The following BABAM2 variants were observed in gnomAD, a reference collection of about 807,000 sequenced individuals.
The protein encoded by BABAM2 is BRISC and BRCA1 A complex member 2.
BABAM2 carries 31 observed loss-of-function variants against 54.7 expected under a neutral mutation model. The ratio of observed to expected loss-of-function variants is 0.57; its 90% CI spans 0.43 to 0.77. The LOEUF is 0.77. Among genes scored for constraint, BABAM2 ranks in the 30% least tolerant of loss-of-function variants. The probability of loss-of-function intolerance (pLI) is 0.00; values close to 1 mark genes in which losing one functional copy is unlikely to be tolerated. For synonymous variants in BABAM2, 167 were observed against 162.9 expected (o/e 1.03, Z -0.19); for missense variants, 364 against 455.8 (o/e 0.80, Z 1.83).
chr2:28,005,662 A>T (rs578132438), intron 4 of BABAM2, among the ~76,000 whole-genome samples: 1 of 152,278 alleles, frequency 6.6e-6, no homozygotes, highest in East Asian at 1.9e-4. Flanking sequence ...TAGAAATCCA[A>T]TTATAATTCT....
chr2:28,011,951 C>T (rs1674433497), intron 4 of BABAM2, among the ~76,000 whole-genome samples: 1 of 152,098 alleles, frequency 6.6e-6, no homozygotes, highest in South Asian at 2.1e-4. Flanking sequence ...ATAATTTGCT[C>T]CAAGTTTAAA....
chr2:28,002,498 G>GT (rs1226869205), intron 4 of BABAM2, among the ~76,000 whole-genome samples: 8 of 151,734 alleles, frequency 5.3e-5, no homozygotes, highest in East Asian at 3.9e-4. Context: ...TTGCAATAAA[G>GT]TTTTTTTTAA....
At chr2:28,159,691 C>A (rs1057434807) in intron 7 of BABAM2, among the ~76,000 whole-genome samples, 5 of 152,026 alleles carry the variant, frequency 3.3e-5, no homozygotes, top group African/African-American at 2.4e-5. Context: ...ACCAGCCTGG[C>A]CAACATGGCA....
rs114683706 is a variant in BABAM2, at chr2:28,336,618, A to T, written c.1089-1832A>T. ...ACCACATGTCACAGAAGTCACAGGG[A>T]AAGAGAGCTTCCAGAGAGAGGAGCT... On this transcript the variant is annotated intron_variant, in intron 11 of 11. Coordinates refer to ENST00000379624, the MANE Select transcript of BABAM2 (RefSeq NM_199191.3). Among the ~76,000 whole-genome samples the T allele has an allele frequency of 3.6e-3, 555 of 152,294 alleles. 2 individuals carry two copies. The highest frequency in any genetic ancestry group is 0.013 in the African/African-American group (520 of 41,562).
intron 6 of BABAM2, among the ~76,000 whole-genome samples, chr2:28,098,087 A>G (rs1666775659): frequency 6.6e-6 from 1 of 152,336 alleles, no homozygotes; most frequent in East Asian, 1.9e-4. Context: ...TTTTAGTACC[A>G]ATATCAAGTT....
chr2:28,257,306 A>G (rs957029500), intron 10 of BABAM2, among the ~76,000 whole-genome samples: 10 of 151,906 alleles, frequency 6.6e-5, no homozygotes, highest in African/African-American at 2.4e-4. Flanking sequence ...GACAAACAAC[A>G]TTTTCTATTA....
chr2:28,147,376 A>G (rs1671588854), intron 7 of BABAM2, among the ~76,000 whole-genome samples: 1 of 152,194 alleles, frequency 6.6e-6, no homozygotes, highest in African/African-American at 2.4e-5. Flanking sequence ...TAAAAACATT[A>G]TTTAGATTTT....
At chr2:28,131,002 A>G (rs990806253) in intron 7 of BABAM2, among the ~76,000 whole-genome samples, 23 of 151,712 alleles carry the variant, frequency 1.5e-4, no homozygotes, top group African/African-American at 4.8e-4. Context: ...CGGCCTCCCA[A>G]AGTGCTAGGA....
chr2:28,297,079 CTAA>C (rs2148238503), intron 10 of BABAM2, among the ~76,000 whole-genome samples: 1 of 152,240 alleles, frequency 6.6e-6, no homozygotes, highest in South Asian at 2.1e-4. Context: ...CTTTAGCTTC[CTAA>C]ATTGTGACAT....
chr2:27,908,923 T>G (rs927306234), intron 2 of BABAM2, among the ~76,000 whole-genome samples: 2 of 152,190 alleles, frequency 1.3e-5, no homozygotes, highest in African/African-American at 4.8e-5. Flanking sequence ...TCTGTTTTTC[T>G]TTGTTTTTGT....
At chr2:27,983,949 T>TTTTTTTTTTTTTTTTTTTTTTTTTTTTC in intron 3 of BABAM2, among the ~76,000 whole-genome samples, 1 of 138,036 alleles carries the variant, frequency 7.2e-6, no homozygotes, top group African/African-American at 2.7e-5. Flanking sequence ...TACCTTTTTT[T>TTTTTTTTTTTTTTTTTTTTTTTTTTTTC]TTTTTTTTTT....
At chr2:28,158,733 T>C (rs192298720) in intron 7 of BABAM2, among the ~76,000 whole-genome samples, 33 of 152,394 alleles carry the variant, frequency 2.2e-4, no homozygotes, top group African/African-American at 6.2e-4. Context: ...ATCTTACTTA[T>C]CTAATGCAGC....
rs111712861 is a variant in BABAM2, at chr2:28,127,135, T to G, written c.571-2136T>G. On this transcript the variant is annotated intron_variant, in intron 6 of 11. Transcript: ENST00000379624. ...GTTTCTTTTGCTGTGCAGAAGCTCTTTAGTTTAATTAGATCCCATTTGTCA... is the reference window on the plus strand; with the variant it reads ...GTTTCTTTTGCTGTGCAGAAGCTCTGTAGTTTAATTAGATCCCATTTGTCA... Among the ~76,000 whole-genome samples, 722 of 152,284 alleles carry G rather than the reference T, an allele frequency of 4.7e-3. 8 individuals are homozygous for G. The highest frequency in any genetic ancestry group is 0.016 in the African/African-American group (685 of 41,562).
intron 7 of BABAM2, among the ~76,000 whole-genome samples, chr2:28,218,059 A>T (rs577230935): frequency 3.9e-5 from 6 of 152,330 alleles, no homozygotes; most frequent in Admixed American, 3.3e-4. Flanking sequence ...TTTTACACAG[A>T]TTCCCTAATT....
Position 27,929,885 on chromosome 2 carries a change from C to T in BABAM2, c.182C>T (p.Pro61Leu), listed in dbSNP as rs776609459. The T allele has an allele frequency of 1.2e-6, 2 of 1,613,044 alleles. No homozygotes were observed. The highest frequency in any genetic ancestry group is 1.7e-6 in the Non-Finnish European group (2 of 1,179,072). The change falls in exon 3 of 12, where the codon CCA (proline) becomes CTA (leucine). Residue 61 changes from proline to leucine, a missense_variant. Transcript: ENST00000379624. ...PNCDRFKLHI[P>L]YAGETLKWDI... ...TGTGACCGATTTAAACTGCACATAC[C>T]ATATGCTGGAGAGACATTAAAGTGT...
chr2:27,991,424 AAGTGTGTAATTC>A (rs1280483722), intron 4 of BABAM2, among the ~76,000 whole-genome samples: 1 of 152,196 alleles, frequency 6.6e-6, no homozygotes, highest in Non-Finnish European at 1.5e-5. Flanking sequence ...AATTCACCTA[AAGTGTGTAATTC>A]AGTTGTTTTT....
At chr2:28,042,221 G>A (rs1202910373) in intron 5 of BABAM2, among the ~76,000 whole-genome samples, 1 of 152,116 alleles carries the variant, frequency 6.6e-6, no homozygotes, top group Non-Finnish European at 1.5e-5. Context: ...ATTTAGTTTT[G>A]TTTATAGGAG....
rs116727759 is a variant in BABAM2, at chr2:28,305,134, A to G, written c.1088+6643A>G. Among the ~76,000 whole-genome samples, 484 of 152,326 alleles carry G rather than the reference A, an allele frequency of 3.2e-3. 4 individuals are homozygous for G. Among genetic ancestry groups the G allele is most frequent in the African/African-American group, 0.011 (446 of 41,570 alleles). ...AGTGATAAGAGCAGAATCTAGCTGT[A>G]TGTTTCTCTATTAAGGCTAATGTTG... On this transcript the variant is annotated intron_variant, in intron 11 of 11. Transcript: ENST00000379624.
chr2:27,935,883 G>A (rs959282018), intron 3 of BABAM2, among the ~76,000 whole-genome samples: 1 of 152,058 alleles, frequency 6.6e-6, no homozygotes, highest in African/African-American at 2.4e-5. Flanking sequence ...GCATTTTTTA[G>A]CAATTCAGTA....
Sources: allele counts gnomAD v4.1 joint callset (sites outside exome capture counted in the v4.1 genomes callset), GRCh38; gene constraint gnomAD v4.1.1; transcripts MANE v1.5; gene names NCBI Gene and HGNC (gene_info 2026-07-23, HGNC 2026-07-21).